VPS13B: variants seen among roughly 807,000 people sequenced by gnomAD.
VPS13B encodes the protein intermembrane lipid transfer protein VPS13B.
VPS13B carries 285 observed loss-of-function variants against 426.4 expected under a neutral mutation model. The observed-to-expected ratio is 0.67, with a 90% confidence interval of 0.61 to 0.74. The LOEUF (loss-of-function observed/expected upper bound fraction) is 0.74. Among genes scored for constraint, VPS13B ranks in the 30% least tolerant of loss-of-function variants. VPS13B has a pLI of 0.00. For missense variants in VPS13B, 4,537 were observed against 4,782.6 expected (o/e 0.95, Z 1.51); for synonymous variants, 1,676 against 1,676.4 (o/e 1.00, Z 0.01).
rs140572674 is a variant in VPS13B, at chr8:99,815,075, G to A, written c.8098-2465G>A. Among the ~76,000 whole-genome samples the A allele has an allele frequency of 4.7e-3, 657 of 140,818 alleles. 7 individuals carry two copies. Among genetic ancestry groups the A allele is most frequent in the African/African-American group, 0.016 (632 of 39,454 alleles). 92.4% of individuals were successfully genotyped at this position (140,818 alleles called of 152,430 possible). ...TGAGAATGTGTTCTCCAGAAAAACC[G>A]CACTGATGAGGGGGTGTGTGTGTGC... On this transcript the variant is annotated intron_variant, in intron 44 of 61. Coordinates refer to ENST00000357162, the MANE Select transcript of VPS13B (RefSeq NM_152564.5).
rs1041354150 is a variant in VPS13B, at chr8:99,033,723, G to A, written c.148-4700G>A. 4.6e-5 allele frequency among the ~76,000 whole-genome samples: 7 copies of A among 151,808 alleles called. No homozygotes were observed. The South Asian group carries it at 6.2e-4, about 14-fold the overall frequency. Reference sequence around the variant, plus strand: ...CCAGCCTGACCATCATGGTGAAACCGCATCTCTACTAAAAATACAAAAATT... The same window carrying A: ...CCAGCCTGACCATCATGGTGAAACCACATCTCTACTAAAAATACAAAAATT... On this transcript the variant is annotated intron_variant, in intron 2 of 61. Transcript: ENST00000357162.
chr8:99,528,561 G>C (rs1193149096), intron 30 of VPS13B, among the ~76,000 whole-genome samples: 1 of 151,910 alleles, frequency 6.6e-6, no homozygotes, highest in African/African-American at 2.4e-5. Flanking sequence ...TGCATGCTTT[G>C]TCTACACCAC....
Position 99,096,494 on chromosome 8 carries a change from G to A in VPS13B, c.412+62G>A, listed in dbSNP as rs1257287307. On this transcript the variant is annotated intron_variant, in intron 4 of 61. Coordinates refer to ENST00000357162, the MANE Select transcript of VPS13B (RefSeq NM_152564.5). ...TTTTTGGCCGGGCATGGTGGCTCAT[G>A]CCTGTAATCCCAGTGCTTTGGGGGG... 3.1e-6 allele frequency: 5 copies of A among 1,604,726 alleles called. No individual in the cohort carries two copies. The African/African-American group carries it at 5.4e-5, about 17-fold the overall frequency.
At chr8:99,803,999 A>C (rs1813265895) in intron 43 of VPS13B, among the ~76,000 whole-genome samples, 1 of 152,228 alleles carries the variant, frequency 6.6e-6, no homozygotes, top group Non-Finnish European at 1.5e-5. Flanking sequence ...CTTGGCGTTT[A>C]ATCTAATATT....
chr8:99,277,165 A>G (rs1282806594), intron 19 of VPS13B, among the ~76,000 whole-genome samples: 1 of 152,094 alleles, frequency 6.6e-6, no homozygotes, highest in Non-Finnish European at 1.5e-5. Context: ...CTAATCTGCA[A>G]CATTAGTGTT....
At chr8:99,573,559 A>G (rs142696781) in intron 31 of VPS13B, among the ~76,000 whole-genome samples, 7 of 152,044 alleles carry the variant, frequency 4.6e-5, no homozygotes, top group Non-Finnish European at 2.9e-5. Flanking sequence ...AAAAGGGAAT[A>G]CTTTCCCCAT....
At chr8:99,134,943 T>C (rs772729946) in intron 9 of VPS13B, 72 bp from the exon 10 acceptor site, 1 of 1,565,934 alleles carries the variant, frequency 6.4e-7, no homozygotes, top group Non-Finnish European at 8.8e-7. Context: ...AATTTAGAGA[T>C]TCTACAAGGA....
At chr8:99,671,804 A>G (rs985453523) in intron 35 of VPS13B, among the ~76,000 whole-genome samples, 6 of 152,020 alleles carry the variant, frequency 3.9e-5, no homozygotes, top group Non-Finnish European at 5.9e-5. Context: ...ACTTTTGTAC[A>G]TAGTGAGAGA....
chr8:99,049,247 T>C (rs2132256897), intron 3 of VPS13B, among the ~76,000 whole-genome samples: 1 of 152,262 alleles, frequency 6.6e-6, no homozygotes, highest in East Asian at 1.9e-4. Flanking sequence ...ATTTTTGTTT[T>C]ATAGGTCCTG....
intron 35 of VPS13B, chr8:99,697,231 C>T (rs1832061373): frequency 1.2e-5 from 7 of 570,928 alleles, no homozygotes; most frequent in Non-Finnish European, 1.6e-5. Flanking sequence ...CTGGAGGTCA[C>T]GCTGCAGGAG....
At chr8:99,430,961 G>C (rs1303930711) in intron 21 of VPS13B, among the ~76,000 whole-genome samples, 1 of 152,132 alleles carries the variant, frequency 6.6e-6, no homozygotes, top group Non-Finnish European at 1.5e-5. Flanking sequence ...CAAGTGATCT[G>C]CCTGACTCGG....
chr8:99,060,283 A>G (rs1844110491), intron 3 of VPS13B, among the ~76,000 whole-genome samples: 1 of 152,132 alleles, frequency 6.6e-6, no homozygotes, highest in Non-Finnish European at 1.5e-5. Context: ...TTTGGGAGAT[A>G]TAGTGTGTTA....
At chr8:99,862,908 T>A (rs908223826) in intron 58 of VPS13B, among the ~76,000 whole-genome samples, 1 of 152,130 alleles carries the variant, frequency 6.6e-6, no homozygotes, top group Non-Finnish European at 1.5e-5. Flanking sequence ...TTTGATAATA[T>A]GTGGAAACTG....
At chr8:99,570,969 G>A (rs559158444) in intron 31 of VPS13B, among the ~76,000 whole-genome samples, 9 of 152,216 alleles carry the variant, frequency 5.9e-5, no homozygotes, top group African/African-American at 2.2e-4. Context: ...TAATTTTCCA[G>A]GGAGATATTT....
intron 28 of VPS13B, chr8:99,507,645 C>A: frequency 7.0e-7 from 1 of 1,430,252 alleles, no homozygotes; most frequent in Non-Finnish European, 9.6e-7. Flanking sequence ...CCATACCTAG[C>A]GGTTGCTCAA....
At chr8:99,470,209 A>G (rs1819332487) in intron 24 of VPS13B, among the ~76,000 whole-genome samples, 1 of 152,254 alleles carries the variant, frequency 6.6e-6, no homozygotes, top group African/African-American at 2.4e-5. Context: ...AACATAAGAT[A>G]TCTCTTAGCA....
At chr8:99,438,249 G>A (rs967856787) in intron 22 of VPS13B, among the ~76,000 whole-genome samples, 6 of 151,948 alleles carry the variant, frequency 3.9e-5, no homozygotes, top group Non-Finnish European at 8.8e-5. Context: ...CAGTTAAGCT[G>A]GGCCAGTTGA....
chr8:99,502,057 T>A (rs1821276162), intron 26 of VPS13B, among the ~76,000 whole-genome samples, 199 bp downstream of exon 26: 1 of 152,092 alleles, frequency 6.6e-6, no homozygotes, highest in African/African-American at 2.4e-5. Context: ...TGACCTTGCC[T>A]CACTGCAACC....
intron 23 of VPS13B, among the ~76,000 whole-genome samples, chr8:99,442,907 A>G (rs924460600): frequency 2.0e-5 from 3 of 152,128 alleles, no homozygotes; most frequent in Non-Finnish European, 2.9e-5. Flanking sequence ...TTGGGAAGAA[A>G]ATTGCTTTTG....
Sources: allele counts gnomAD v4.1 joint callset (sites outside exome capture counted in the v4.1 genomes callset), GRCh38; gene constraint gnomAD v4.1.1; transcripts MANE v1.5; gene names NCBI Gene and HGNC (gene_info 2026-07-23, HGNC 2026-07-21).